The following CCDC167 variants were observed in gnomAD, a reference collection of about 807,000 sequenced individuals.
The protein encoded by CCDC167 is coiled-coil domain containing 167, also known as coiled-coil domain-containing protein 167.
A neutral mutation model predicts 12.7 loss-of-function variants in CCDC167; 15 were observed. The observed-to-expected ratio is 1.18, with a 90% CI of 0.79 to 1.81. The LOEUF is 1.81. CCDC167 is among the 40% of genes most tolerant of loss of function. The pLI is 0.00. For missense variants in CCDC167, 121 were observed against 120.1 expected, an observed-to-expected ratio of 1.01 and a Z score of -0.03; for synonymous variants, 52 against 49.0, an observed-to-expected ratio of 1.06 and a Z score of -0.26.
chr6:37,487,406 A>G (rs1365122604), intron 1 of CCDC167, among the ~76,000 whole-genome samples: 1 of 152,252 alleles, frequency 6.6e-6, no homozygotes, highest in Non-Finnish European at 1.5e-5. Flanking sequence ...TTTAGGTCTC[A>G]CGTAGCAACT....
intron 1 of CCDC167, among the ~76,000 whole-genome samples, chr6:37,497,840 G>A (rs1250381149): frequency 2.0e-5 from 3 of 152,104 alleles, no homozygotes; most frequent in Non-Finnish European, 2.9e-5. Context: ...CTGGGCGAGA[G>A]TGAGATTCTG....
chr6:37,483,320 C>T (rs762357958), intron 3 of CCDC167, 31 bp from the exon 4 acceptor site: 17 of 1,527,220 alleles, frequency 1.1e-5, no homozygotes, highest in Non-Finnish European at 1.5e-5. Context: ...AGGGATAGGA[C>T]AGGCAGTTTA....
intron 1 of CCDC167, among the ~76,000 whole-genome samples, chr6:37,488,891 G>A (rs1761978966): frequency 6.6e-6 from 1 of 152,216 alleles, no homozygotes; most frequent in Non-Finnish European, 1.5e-5. Context: ...TAGATCTTTG[G>A]AGAATAAAAG....
chr6:37,498,813 A>G (rs1762129480), intron 1 of CCDC167, among the ~76,000 whole-genome samples: 1 of 125,130 alleles, frequency 8.0e-6, no homozygotes, highest in Non-Finnish European at 1.7e-5. Context: ...CAACAGAGCG[A>G]GACTCTGTCT....
intron 1 of CCDC167, among the ~76,000 whole-genome samples, chr6:37,495,440 C>T (rs560087655): frequency 1.3e-5 from 2 of 152,360 alleles, no homozygotes; most frequent in African/African-American, 4.8e-5. Flanking sequence ...GACTGAAATT[C>T]AACCTTTCCT....
At chr6:37,485,548 C>T (rs1386712302) in intron 1 of CCDC167, among the ~76,000 whole-genome samples, 1 of 152,248 alleles carries the variant, frequency 6.6e-6, no homozygotes, top group Non-Finnish European at 1.5e-5. Context: ...CCCAGTTGGG[C>T]GCACAACAGG....
chr6:37,488,475 C>T lies in CCDC167; in HGVS notation c.43-3281G>A, dbSNP rs149782238. On this transcript the variant is annotated intron_variant, in intron 1 of 3. Transcript: ENST00000373408. ...CTTGCCACCACCAGGCTAAAGGCAA[C>T]GGAAGACAAGACAGCCAGGACCAGG... Among the ~76,000 whole-genome samples the T allele has an allele frequency of 4.7e-3, 717 of 152,302 alleles. 4 individuals are homozygous for T. The highest frequency in any genetic ancestry group is 6.9e-3 in the Non-Finnish European group (469 of 68,028).
chr6:37,493,622 T>C (rs1762058746), intron 1 of CCDC167, among the ~76,000 whole-genome samples: 2 of 152,252 alleles, frequency 1.3e-5, no homozygotes, highest in South Asian at 4.1e-4. Flanking sequence ...CAGCGGCCCC[T>C]GAACAGTCCT....
At chr6:37,490,508 C>T (rs1445860609) in intron 1 of CCDC167, among the ~76,000 whole-genome samples, 1 of 152,140 alleles carries the variant, frequency 6.6e-6, no homozygotes, top group Non-Finnish European at 1.5e-5. Flanking sequence ...AACAGAAAAG[C>T]CCCGTAGTGA....
chr6:37,495,381 C>T (rs527973346), intron 1 of CCDC167, among the ~76,000 whole-genome samples: 4 of 152,284 alleles, frequency 2.6e-5, no homozygotes, highest in African/African-American at 9.6e-5. Flanking sequence ...ATCAGAGATC[C>T]GAAAACACAA....
chr6:37,496,884 T>C (rs1762104024), intron 1 of CCDC167, among the ~76,000 whole-genome samples: 1 of 152,240 alleles, frequency 6.6e-6, no homozygotes, highest in Non-Finnish European at 1.5e-5. Context: ...TTCTTGCCAA[T>C]GGAAAGTGGA....
At chr6:37,494,143 G>GC (rs1355460853) in intron 1 of CCDC167, among the ~76,000 whole-genome samples, 1 of 131,008 alleles carries the variant, frequency 7.6e-6, no homozygotes, top group Non-Finnish European at 1.5e-5. Context: ...TCGGCTCACC[G>GC]CAACCTCCAC....
Position 37,494,056 on chromosome 6 carries a change from C to CTTTTTTTTTTTTT in CCDC167, c.42+5753_42+5765dup, listed in dbSNP as rs70977666. ...CACTTCTCATGGTCAGTGATCCTGC[C>CTTTTTTTTTTTTT]TTTTTTTTTTTTTTTTTTTTTTTTT... On this transcript the variant is annotated intron_variant, in intron 1 of 3. Coordinates refer to ENST00000373408, the MANE Select transcript of CCDC167 (RefSeq NM_138493.3). Among the ~76,000 whole-genome samples the CTTTTTTTTTTTTT allele has an allele frequency of 2.2e-5, 2 of 91,386 alleles. 1 individual carries two copies. Among genetic ancestry groups the CTTTTTTTTTTTTT allele is most frequent in the African/African-American group, 8.5e-5 (2 of 23,446 alleles). The allele number at this position is 91,386 out of a possible 152,430, so 60.0% of individuals were successfully genotyped here. A position where few individuals can be genotyped will look rare whatever the true frequency, so the allele number is the denominator to read the frequency against.
intron 1 of CCDC167, 95 bp downstream of exon 1, chr6:37,499,727 G>A: frequency 7.3e-7 from 1 of 1,366,802 alleles, no homozygotes; most frequent in Middle Eastern, 1.8e-4. Flanking sequence ...TCCTACGCTT[G>A]GCTCCTCCTC....
chr6:37,498,292 CT>C (rs1367795536), intron 1 of CCDC167, among the ~76,000 whole-genome samples: 1 of 152,148 alleles, frequency 6.6e-6, no homozygotes, highest in Non-Finnish European at 1.5e-5. Flanking sequence ...CTTTCTTGTT[CT>C]TGAAGCCACT....
chr6:37,485,197 GAAAC>G lies in CCDC167; in HGVS notation c.43-7_43-4del, dbSNP rs1341732855. The stretch of plus-strand genomic sequence containing the variant: ...AGCTTCTCCTCTAGCCCATCGATCT[GAAAC>G]AAAGGCCACAGAGAGGTGGGCTGCC... On this transcript the variant is annotated splice_polypyrimidine_tract_variant and splice_region_variant and intron_variant, in intron 1 of 3. Transcript: ENST00000373408. The G allele has an allele frequency of 1.2e-6, 2 of 1,611,242 alleles. No individual in the cohort carries two copies. The highest frequency in any genetic ancestry group is 8.5e-7 in the Non-Finnish European group (1 of 1,178,578).
At chr6:37,494,088 G>A (rs1366100033) in intron 1 of CCDC167, among the ~76,000 whole-genome samples, 4 of 108,000 alleles carry the variant, frequency 3.7e-5, no homozygotes, top group Admixed American at 1.2e-4. Context: ...TTTTTGAGAC[G>A]AAGTTTCCCT....
chr6:37,496,984 T>A (rs934724373), intron 1 of CCDC167, among the ~76,000 whole-genome samples: 2 of 152,206 alleles, frequency 1.3e-5, no homozygotes, highest in Non-Finnish European at 2.9e-5. Context: ...CCGGTTCCAC[T>A]GATAAGGTGA....
At position 37,493,196 on chromosome 6, in the gene CCDC167, A is replaced by G. The variant is rs115552123; in HGVS notation, c.42+6626T>C. 4.1e-3 allele frequency among the ~76,000 whole-genome samples: 630 copies of G among 152,272 alleles called. 3 individuals carry two copies. The highest frequency in any genetic ancestry group is 0.015 in the African/African-American group (604 of 41,556). ...ACCGCTGCAGCCCACGCGAGTCCCG[A>G]CGCCTTCCCGCGAGGAGACGGAGGC... On this transcript the variant is annotated intron_variant, in intron 1 of 3. Coordinates refer to ENST00000373408, the MANE Select transcript of CCDC167 (RefSeq NM_138493.3).
Sources: allele counts gnomAD v4.1 joint callset (sites outside exome capture counted in the v4.1 genomes callset), GRCh38; gene constraint gnomAD v4.1.1; transcripts MANE v1.5; gene names NCBI Gene and HGNC (gene_info 2026-07-23, HGNC 2026-07-21).